Variants in PDE4B observed in about 807,000 individuals in gnomAD.
PDE4B encodes the protein 3',5'-cyclic-AMP phosphodiesterase 4B.
Under a neutral mutation model 82.2 loss-of-function variants are expected in PDE4B, and 20 were observed. The ratio of observed to expected loss-of-function variants is 0.24; its 90% CI spans 0.17 to 0.35. PDE4B has a LOEUF of 0.35. Ranked by LOEUF, PDE4B falls within the 10% of genes least tolerant of loss-of-function variation. PDE4B has a pLI of 1.00. For missense variants in PDE4B, 655 were observed against 907.2 expected, an observed-to-expected ratio of 0.72 and a Z score of 3.57; for synonymous variants, 320 against 318.9, an observed-to-expected ratio of 1.00 and a Z score of -0.04.
chr1:65,929,538 C>A (rs1017971713), intron 3 of PDE4B, among the ~76,000 whole-genome samples: 1 of 152,148 alleles, frequency 6.6e-6, no homozygotes, highest in Non-Finnish European at 1.5e-5. Flanking sequence ...CCATAATTCC[C>A]GCTCTTTCTC....
intron 12 of PDE4B, among the ~76,000 whole-genome samples, chr1:66,363,781 TAAAAAA>T (rs915487620): frequency 3.7e-4 from 56 of 151,796 alleles, no homozygotes; most frequent in South Asian, 2.1e-4. Context: ...AAAATAAAAA[TAAAAAA>T]AATTTAAAAA....
chr1:66,227,333 T>A (rs1169664501), intron 3 of PDE4B, among the ~76,000 whole-genome samples: 1 of 152,230 alleles, frequency 6.6e-6, no homozygotes, highest in East Asian at 1.9e-4. Context: ...CAGTTTTTGA[T>A]GCTTAACAGC....
intron 3 of PDE4B, among the ~76,000 whole-genome samples, chr1:66,090,350 T>G (rs1288339219): frequency 6.6e-6 from 1 of 151,830 alleles, no homozygotes; most frequent in East Asian, 1.9e-4. Context: ...TAGGTTTAGA[T>G]AGATTTATAA....
intron 7 of PDE4B, among the ~76,000 whole-genome samples, chr1:66,326,376 C>T (rs905571249): frequency 1.3e-5 from 2 of 152,216 alleles, no homozygotes; most frequent in African/African-American, 4.8e-5. Context: ...TCAAGTCCCT[C>T]CTGGTCACTA....
chr1:66,318,785 C>A (rs1250013451), intron 7 of PDE4B, among the ~76,000 whole-genome samples: 1 of 152,132 alleles, frequency 6.6e-6, no homozygotes, highest in Non-Finnish European at 1.5e-5. Context: ...CAATTTACAT[C>A]ATTTTTTCAT....
intron 1 of PDE4B, among the ~76,000 whole-genome samples, chr1:65,887,260 T>TTTCTTTCTTTCC (rs1161893787): frequency 1.0e-4 from 1 of 9,690 alleles, no homozygotes; most frequent in Non-Finnish European, 2.3e-4. Context: ...TCTTTCTTTC[T>TTTCTTTCTTTCC]TTCCTTCCTT....
At chr1:65,809,677 T>C (rs1645797261) in intron 1 of PDE4B, among the ~76,000 whole-genome samples, 2 of 152,218 alleles carry the variant, frequency 1.3e-5, no homozygotes, top group African/African-American at 4.8e-5. Context: ...TAGTTTATGG[T>C]TATTTTCTTA....
chr1:66,157,237 T>C (rs1338037856), intron 3 of PDE4B, among the ~76,000 whole-genome samples: 3 of 152,150 alleles, frequency 2.0e-5, no homozygotes, highest in Non-Finnish European at 1.5e-5. Context: ...CACACGTCCC[T>C]AGAATCTGAC....
chr1:66,028,329 G>A (rs2100789374), intron 3 of PDE4B, among the ~76,000 whole-genome samples: 1 of 152,234 alleles, frequency 6.6e-6, no homozygotes, highest in South Asian at 2.1e-4. Context: ...AGGGCACCAA[G>A]TACCTAGGCT....
intron 1 of PDE4B, among the ~76,000 whole-genome samples, chr1:65,805,381 A>G (rs933123441): frequency 6.6e-6 from 1 of 152,168 alleles, no homozygotes; most frequent in Non-Finnish European, 1.5e-5. Flanking sequence ...AGAGGCACAC[A>G]TCCTTTATAT....
chr1:66,295,281 T>C (rs916040619), intron 7 of PDE4B, among the ~76,000 whole-genome samples: 2 of 152,120 alleles, frequency 1.3e-5, no homozygotes, highest in African/African-American at 2.4e-5. Flanking sequence ...CTTTCAAACT[T>C]TTTTGATCAT....
At chr1:65,843,660 T>G (rs11208759) in intron 1 of PDE4B, among the ~76,000 whole-genome samples, 16,990 of 152,204 alleles carry the variant, frequency 0.11, 1,077 homozygotes, top group Non-Finnish European at 0.14. Flanking sequence ...TCAGTAGGTG[T>G]TGAAAGACAG....
At position 66,072,914 on chromosome 1, in the gene PDE4B, G is replaced by A. The variant is rs547502501; in HGVS notation, c.281+154079G>A. On this transcript the variant is annotated intron_variant, in intron 3 of 16. Coordinates refer to ENST00000341517, the MANE Select transcript of PDE4B (RefSeq NM_002600.4). ...CCCCTAATGCACATCTGTGGAAACT[G>A]TAGGATTGATGAAGGTGGAGGTGAA... Among the ~76,000 whole-genome samples the A allele has an allele frequency of 1.4e-4, 22 of 152,120 alleles. No homozygotes were observed. The East Asian group carries it at 4.3e-3, about 29-fold the overall frequency.
intron 3 of PDE4B, among the ~76,000 whole-genome samples, chr1:66,041,742 C>G (rs1282542666): frequency 6.6e-6 from 1 of 151,598 alleles, no homozygotes; most frequent in African/African-American, 2.4e-5. Context: ...CTGCTCCTCT[C>G]TTTCTGGGTC....
chr1:66,221,133 G>T (rs552806345), intron 3 of PDE4B, among the ~76,000 whole-genome samples: 1 of 152,164 alleles, frequency 6.6e-6, no homozygotes, highest in African/African-American at 2.4e-5. Context: ...AAGAACCAAG[G>T]CAGCCCTAGA....
intron 1 of PDE4B, among the ~76,000 whole-genome samples, chr1:65,810,508 T>C (rs935039194): frequency 1.3e-5 from 2 of 152,232 alleles, no homozygotes; most frequent in South Asian, 2.1e-4. Context: ...ATACTTTTTC[T>C]AGTGCCTGCT....
chr1:66,183,041 G>A (rs947196784), intron 3 of PDE4B, among the ~76,000 whole-genome samples: 4 of 152,072 alleles, frequency 2.6e-5, no homozygotes, highest in African/African-American at 9.7e-5. Context: ...TTAAAGTCAG[G>A]AATATCTGAA....
chr1:66,093,579 T>C (rs978397924), intron 3 of PDE4B, among the ~76,000 whole-genome samples: 1 of 151,998 alleles, frequency 6.6e-6, no homozygotes, highest in South Asian at 2.1e-4. Flanking sequence ...CCACAGCCAA[T>C]GAGAGAGGAA....
chr1:66,277,831 A>G (rs1006672790), intron 7 of PDE4B, among the ~76,000 whole-genome samples: 10 of 152,242 alleles, frequency 6.6e-5, no homozygotes, highest in South Asian at 6.2e-4. Context: ...CCTGGTTAAG[A>G]AGACAGGCTC....
Sources: allele counts gnomAD v4.1 joint callset (sites outside exome capture counted in the v4.1 genomes callset), GRCh38; gene constraint gnomAD v4.1.1; transcripts MANE v1.5; gene names NCBI Gene and HGNC (gene_info 2026-07-23, HGNC 2026-07-21).